Variants in MARCHF1 observed in about 807,000 individuals in gnomAD.
MARCHF1 encodes membrane associated ring-CH-type finger 1.
MARCHF1 carries 40 observed loss-of-function variants against 54.2 expected under a neutral mutation model. That is an observed-to-expected ratio of 0.74 (90% CI 0.57 to 0.96). The LOEUF (loss-of-function observed/expected upper bound fraction) is 0.96. Ranked by LOEUF, MARCHF1 falls within the 40% of genes least tolerant of loss-of-function variation. MARCHF1 has a pLI of 0.00. For synonymous variants in MARCHF1, 236 were observed against 236.3 expected, an observed-to-expected ratio of 1.00 and a Z score of 0.01; for missense variants, 586 against 656.5, an observed-to-expected ratio of 0.89 and a Z score of 1.17.
At chr4:163,702,288 T>C (rs188955802) in intron 4 of MARCHF1, among the ~76,000 whole-genome samples, 79 of 152,286 alleles carry the variant, frequency 5.2e-4, no homozygotes, top group African/African-American at 1.7e-3. Flanking sequence ...CCACTGGTGA[T>C]GGAGGGAGGC....
chr4:164,213,239 ATTATTATTAT>A (rs1206409786), intron 1 of MARCHF1, among the ~76,000 whole-genome samples: 12 of 110,822 alleles, frequency 1.1e-4, no homozygotes, highest in African/African-American at 5.2e-4. Flanking sequence ...TATTATTATT[ATTATTATTAT>A]TTGAGATGGA....
At chr4:164,055,429 G>T (rs1396837420) in intron 2 of MARCHF1, among the ~76,000 whole-genome samples, 1 of 118,084 alleles carries the variant, frequency 8.5e-6, no homozygotes, top group Non-Finnish European at 1.9e-5. Flanking sequence ...GGATGAGAGA[G>T]TGACACCCTG....
intron 2 of MARCHF1, among the ~76,000 whole-genome samples, chr4:164,047,021 C>A (rs536300099): frequency 6.6e-6 from 1 of 152,228 alleles, no homozygotes; most frequent in Admixed American, 6.5e-5. Context: ...AGTGGACATT[C>A]CTCAAGAAAA....
At chr4:163,886,035 C>T (rs987134761) in intron 3 of MARCHF1, among the ~76,000 whole-genome samples, 3 of 147,092 alleles carry the variant, frequency 2.0e-5, no homozygotes, top group South Asian at 2.1e-4. Flanking sequence ...AAAAAAATAG[C>T]CTGGTATGAT....
chr4:164,044,499 C>T (rs115226854), intron 2 of MARCHF1, among the ~76,000 whole-genome samples: 348 of 152,232 alleles, frequency 2.3e-3, no homozygotes, highest in African/African-American at 8.0e-3. Context: ...ATCCAATCAC[C>T]TCCTATCAGG....
At chr4:163,557,119 C>T (rs1485763472) in intron 8 of MARCHF1, among the ~76,000 whole-genome samples, 5 of 151,968 alleles carry the variant, frequency 3.3e-5, no homozygotes, top group South Asian at 4.1e-4. Flanking sequence ...TCTCCACAGG[C>T]GGGAAATGAA....
At chr4:163,944,229 G>A (rs1579411858) in intron 3 of MARCHF1, among the ~76,000 whole-genome samples, 1 of 148,020 alleles carries the variant, frequency 6.8e-6, no homozygotes, top group Non-Finnish European at 1.5e-5. Flanking sequence ...TGATCCACCC[G>A]CCTCAGCCTC....
At chr4:163,609,655 C>T (rs555589073) in intron 7 of MARCHF1, among the ~76,000 whole-genome samples, 111 of 150,248 alleles carry the variant, frequency 7.4e-4, no homozygotes, top group African/African-American at 2.3e-3. Context: ...ATATAATACA[C>T]GTATATATTT....
intron 2 of MARCHF1, among the ~76,000 whole-genome samples, chr4:164,056,983 A>G (rs1267374690): frequency 5.9e-5 from 9 of 152,244 alleles, no homozygotes; most frequent in Admixed American, 5.9e-4. Flanking sequence ...GTTACATGGT[A>G]TTGTAGGGAA....
intron 4 of MARCHF1, among the ~76,000 whole-genome samples, chr4:163,762,957 A>T (rs1266935998): frequency 6.6e-6 from 1 of 152,124 alleles, no homozygotes; most frequent in Non-Finnish European, 1.5e-5. Context: ...GGACAATATA[A>T]ACCACAGAGG....
intron 4 of MARCHF1, among the ~76,000 whole-genome samples, chr4:163,760,219 G>A (rs1396628426): frequency 6.6e-6 from 1 of 152,134 alleles, no homozygotes; most frequent in African/African-American, 2.4e-5. Context: ...TTCTTGTGAT[G>A]CTCTCTCTGG....
chr4:164,093,709 G>A (rs987551093), intron 2 of MARCHF1, among the ~76,000 whole-genome samples: 2 of 152,146 alleles, frequency 1.3e-5, no homozygotes, highest in East Asian at 3.9e-4. Context: ...GACAGTGGCA[G>A]TGAGCATCCT....
At chr4:164,349,366 G>A (rs1730210899) in intron 1 of MARCHF1, among the ~76,000 whole-genome samples, 1 of 152,074 alleles carries the variant, frequency 6.6e-6, no homozygotes, top group South Asian at 2.1e-4. Flanking sequence ...ATCTCCAACA[G>A]TATTGTTAAA....
intron 1 of MARCHF1, among the ~76,000 whole-genome samples, chr4:164,196,764 AT>A (rs200761395): frequency 6.6e-6 from 1 of 152,030 alleles, no homozygotes; most frequent in Non-Finnish European, 1.5e-5. Flanking sequence ...TACAAATATT[AT>A]TTTATTTGGC....
intron 2 of MARCHF1, among the ~76,000 whole-genome samples, chr4:164,109,730 T>C (rs1280367410): frequency 6.6e-6 from 1 of 151,544 alleles, no homozygotes; most frequent in Non-Finnish European, 1.5e-5. Flanking sequence ...ATTTTACTAA[T>C]CTAAGCTCTA....
At chr4:163,764,122 T>C (rs532254506) in intron 4 of MARCHF1, among the ~76,000 whole-genome samples, 56 of 152,190 alleles carry the variant, frequency 3.7e-4, no homozygotes, top group African/African-American at 1.3e-3. Context: ...ACTTACTGAA[T>C]GATATATTCC....
chr4:163,559,129 T>G (rs1182116736), intron 8 of MARCHF1, among the ~76,000 whole-genome samples: 5 of 152,214 alleles, frequency 3.3e-5, no homozygotes, highest in African/African-American at 7.2e-5. Flanking sequence ...TTTCTATGTC[T>G]CTTTCAACTT....
chr4:164,019,178 C>T (rs1753608930), intron 2 of MARCHF1, among the ~76,000 whole-genome samples: 1 of 152,130 alleles, frequency 6.6e-6, no homozygotes, highest in African/African-American at 2.4e-5. Flanking sequence ...CTGTTTCTTA[C>T]ATTTCCAACA....
chr4:164,111,000 C>T (rs1016923665), intron 2 of MARCHF1, among the ~76,000 whole-genome samples: 1 of 151,724 alleles, frequency 6.6e-6, no homozygotes, highest in Non-Finnish European at 1.5e-5. Flanking sequence ...CCTTTGGTTG[C>T]TCTGGGTCAT....
Sources: gnomAD v4.1 joint callset for allele counts (sites outside exome capture counted in the v4.1 genomes callset) on GRCh38, gnomAD v4.1.1 for gene constraint, MANE v1.5 for transcripts, NCBI Gene and HGNC (gene_info 2026-07-23, HGNC 2026-07-21) for gene names.